Variants in KCNIP4 observed in about 807,000 individuals in gnomAD.
KCNIP4 encodes Kv channel-interacting protein 4.
In KCNIP4, 12 loss-of-function variants were observed where a neutral mutation model predicts 34.0. The ratio of observed to expected loss-of-function variants is 0.35; its 90% CI spans 0.23 to 0.57. The LOEUF (loss-of-function observed/expected upper bound fraction) is 0.57. Ranked by LOEUF, KCNIP4 falls within the 20% of genes least tolerant of loss-of-function variation. The pLI is 0.83. For synonymous variants in KCNIP4, 124 were observed against 102.2 expected (o/e 1.21, Z -1.29); for missense variants, 238 against 311.7 (o/e 0.76, Z 1.78).
chr4:20,946,005 G>T (rs1732154925), intron 1 of KCNIP4, among the ~76,000 whole-genome samples: 1 of 152,102 alleles, frequency 6.6e-6, no homozygotes, highest in Non-Finnish European at 1.5e-5. Flanking sequence ...TAAGGAGAAG[G>T]CTGCTGTTGA....
chr4:20,744,801 C>T (rs988502740), intron 5 of KCNIP4, among the ~76,000 whole-genome samples: 1 of 151,928 alleles, frequency 6.6e-6, no homozygotes, highest in Non-Finnish European at 1.5e-5. Context: ...ATAAAGATAG[C>T]ACGTTTAAGT....
intron 1 of KCNIP4, among the ~76,000 whole-genome samples, chr4:21,022,981 C>T (rs1428086073): frequency 6.6e-6 from 1 of 152,070 alleles, no homozygotes; most frequent in Non-Finnish European, 1.5e-5. Context: ...CACCACCATG[C>T]CTGGCTAATT....
intron 1 of KCNIP4, among the ~76,000 whole-genome samples, chr4:21,310,079 G>T (rs1162785815): frequency 1.3e-5 from 2 of 152,094 alleles, no homozygotes; most frequent in African/African-American, 2.4e-5. Context: ...ACCTAGGATG[G>T]AATGCAGTGG....
intron 1 of KCNIP4, among the ~76,000 whole-genome samples, chr4:21,608,642 CT>C (rs781627750): frequency 6.6e-6 from 1 of 152,056 alleles, no homozygotes; most frequent in Non-Finnish European, 1.5e-5. Context: ...TCTGCCAGGT[CT>C]TTTTTTGCCA....
intron 1 of KCNIP4, among the ~76,000 whole-genome samples, chr4:21,567,206 C>T (rs967043592): frequency 6.6e-6 from 1 of 151,896 alleles, no homozygotes; most frequent in East Asian, 1.9e-4. Flanking sequence ...TTAGCAAGTA[C>T]CCAATTTAAT....
At chr4:21,555,888 T>C (rs1239252164) in intron 1 of KCNIP4, among the ~76,000 whole-genome samples, 1 of 152,142 alleles carries the variant, frequency 6.6e-6, no homozygotes. Context: ...AGGTCCAGTT[T>C]GCTGGTCCAT....
chr4:21,606,044 C>T (rs1308278493), intron 1 of KCNIP4, among the ~76,000 whole-genome samples: 1 of 152,124 alleles, frequency 6.6e-6, no homozygotes, highest in African/African-American at 2.4e-5. Flanking sequence ...ATGCCCTAAG[C>T]ATTAAATTCA....
intron 1 of KCNIP4, among the ~76,000 whole-genome samples, chr4:21,234,892 C>T (rs1008108896): frequency 1.3e-5 from 2 of 151,964 alleles, no homozygotes; most frequent in South Asian, 2.1e-4. Flanking sequence ...AAGTGATCCA[C>T]CCGCCTCGGC....
chr4:21,175,870 C>T lies in KCNIP4; in HGVS notation c.62-293161G>A, dbSNP rs150489171. On this transcript the variant is annotated intron_variant, in intron 1 of 8. Transcript: ENST00000382152. ...ATAAATGAAACTACAGAAAGGGAAA[C>T]CCCAAATAAGGGAGGACTATGGTAT... 4.1e-3 allele frequency among the ~76,000 whole-genome samples: 620 copies of T among 152,260 alleles called. 4 individuals carry two copies. Among genetic ancestry groups the T allele is most frequent in the African/African-American group, 0.014 (579 of 41,548 alleles).
chr4:21,909,912 C>T (rs904867988), intron 1 of KCNIP4, among the ~76,000 whole-genome samples: 1 of 152,006 alleles, frequency 6.6e-6, no homozygotes, highest in African/African-American at 2.4e-5. Flanking sequence ...GGGGAAACTG[C>T]CCCCATGATT....
At chr4:21,167,061 C>T (rs1577815922) in intron 1 of KCNIP4, among the ~76,000 whole-genome samples, 2 of 149,848 alleles carry the variant, frequency 1.3e-5, no homozygotes, top group African/African-American at 2.5e-5. Flanking sequence ...TTGATGTGCA[C>T]AGCAAAACAT....
chr4:21,785,797 T>C (rs1367128212), intron 1 of KCNIP4, among the ~76,000 whole-genome samples: 3 of 152,210 alleles, frequency 2.0e-5, no homozygotes. Context: ...ATTCTATTTG[T>C]TGCAAACAAT....
chr4:21,527,331 C>T (rs976357214), intron 1 of KCNIP4, among the ~76,000 whole-genome samples: 2 of 151,864 alleles, frequency 1.3e-5, no homozygotes, highest in African/African-American at 2.4e-5. Context: ...TTAAAACAAG[C>T]AATAAGAAAA....
intron 1 of KCNIP4, among the ~76,000 whole-genome samples, chr4:21,817,297 T>C (rs1393366407): frequency 6.6e-6 from 1 of 152,200 alleles, no homozygotes; most frequent in Admixed American, 6.5e-5. Flanking sequence ...TATAATTTCT[T>C]ACACCTGTCT....
chr4:20,753,562 T>C (rs1439294180), intron 4 of KCNIP4, among the ~76,000 whole-genome samples: 4 of 152,294 alleles, frequency 2.6e-5, no homozygotes, highest in African/African-American at 7.2e-5. Context: ...GAAATCAATC[T>C]GGTTTATTTC....
At chr4:21,346,256 AT>A (rs1717399203) in intron 1 of KCNIP4, among the ~76,000 whole-genome samples, 1 of 114,516 alleles carries the variant, frequency 8.7e-6, no homozygotes, top group South Asian at 2.3e-4. Context: ...TATATATATA[AT>A]TCTATATATA....
chr4:21,396,200 A>G (rs868164184), intron 1 of KCNIP4, among the ~76,000 whole-genome samples: 38 of 151,978 alleles, frequency 2.5e-4, no homozygotes, highest in Middle Eastern at 3.4e-3. Context: ...TACATACAAA[A>G]TATCAGTTCA....
At chr4:21,933,741 C>T (rs142373499) in intron 1 of KCNIP4, among the ~76,000 whole-genome samples, 89 of 152,122 alleles carry the variant, frequency 5.9e-4, no homozygotes, top group African/African-American at 2.0e-3. Flanking sequence ...AAATAGTTTG[C>T]CTCTGAGCTG....
chr4:21,043,772 T>C (rs1184363827), intron 1 of KCNIP4, among the ~76,000 whole-genome samples: 1 of 152,200 alleles, frequency 6.6e-6, no homozygotes, highest in Non-Finnish European at 1.5e-5. Flanking sequence ...TATCAAATAG[T>C]ATGCCAAATG....
Sources: allele counts gnomAD v4.1 joint callset (sites outside exome capture counted in the v4.1 genomes callset), GRCh38; gene constraint gnomAD v4.1.1; transcripts MANE v1.5; gene names NCBI Gene and HGNC (gene_info 2026-07-23, HGNC 2026-07-21).